IHO1: variants seen among roughly 807,000 people sequenced by gnomAD.
The protein encoded by IHO1 is interactor of HORMAD1 protein 1.
A neutral mutation model predicts 31.0 loss-of-function variants in IHO1; 13 were observed. The ratio of observed to expected loss-of-function variants is 0.42; its 90% confidence interval spans 0.27 to 0.67. The LOEUF is 0.67. IHO1 is among the 30% of genes least tolerant of loss of function. IHO1 has a pLI of 0.24. For missense variants in IHO1, 599 were observed against 687.5 expected, an observed-to-expected ratio of 0.87 and a Z score of 1.44; for synonymous variants, 221 against 248.4, an observed-to-expected ratio of 0.89 and a Z score of 1.04.
chr3:49,251,200 A>T (rs2046755796), intron 6 of IHO1, among the ~76,000 whole-genome samples: 1 of 151,250 alleles, frequency 6.6e-6, no homozygotes, highest in Non-Finnish European at 1.5e-5. Flanking sequence ...AGCTCACTGC[A>T]ACCTCCCCTT....
At chr3:49,196,223 C>T (rs1451792809), upstream of IHO1, among the ~76,000 whole-genome samples, 4 of 121,338 alleles carry the variant, frequency 3.3e-5, no homozygotes, top group African/African-American at 6.5e-5. Flanking sequence ...AGTAAGACTC[C>T]GTCACAAAAA....
At chr3:49,227,013 T>C (rs1447163894) in intron 2 of IHO1, among the ~76,000 whole-genome samples, 2 of 152,142 alleles carry the variant, frequency 1.3e-5, no homozygotes, top group Admixed American at 1.3e-4. Context: ...AGGCTTCTCA[T>C]TAATAGGAAG....
At chr3:49,196,979 CT>C (rs1162418107), upstream of IHO1, among the ~76,000 whole-genome samples, 348 of 94,310 alleles carry the variant, frequency 3.7e-3, 2 homozygotes, top group South Asian at 0.011. Flanking sequence ...CACGTTTTTA[CT>C]TTTTTTTTTT....
At chr3:49,229,068 G>A (rs2046452098) in intron 2 of IHO1, among the ~76,000 whole-genome samples, 1 of 152,170 alleles carries the variant, frequency 6.6e-6, no homozygotes, top group African/African-American at 2.4e-5. Flanking sequence ...GCTGATTGGT[G>A]CGTTTACAAT....
At chr3:49,221,493 A>G (rs1385245424) in intron 2 of IHO1, among the ~76,000 whole-genome samples, 1 of 152,224 alleles carries the variant, frequency 6.6e-6, no homozygotes, top group Admixed American at 6.5e-5. Flanking sequence ...CAGGAAGTCC[A>G]GCTGGATTCA....
intron 3 of IHO1, among the ~76,000 whole-genome samples, chr3:49,238,822 G>A (rs2046590696): frequency 6.6e-6 from 1 of 152,094 alleles, no homozygotes. Context: ...CAAAGGGGAG[G>A]GGGAAGTTGG....
At chr3:49,219,541 G>T (rs1355677899) in intron 2 of IHO1, among the ~76,000 whole-genome samples, 1 of 152,208 alleles carries the variant, frequency 6.6e-6, no homozygotes, top group Admixed American at 6.5e-5. Flanking sequence ...AGCTCTGAAG[G>T]CTGTGAGTCC....
chr3:49,219,396 TCCATCCCTTTGTTTTGGC>T lies in IHO1; in HGVS notation c.56+7575_56+7592del, dbSNP rs1374091116. Among the ~76,000 whole-genome samples, 55 of 152,270 alleles carry T rather than the reference TCCATCCCTTTGTTTTGGC, an allele frequency of 3.6e-4. 1 individual carries two copies. Among genetic ancestry groups the T allele is most frequent in the Middle Eastern group, 3.4e-3 (1 of 294 alleles). On this transcript the variant is annotated intron_variant, in intron 2 of 7. Coordinates refer to ENST00000452691, the MANE Select transcript of IHO1 (RefSeq NM_001135197.2). ...TCCTGCTGCAGATAACTAGCCAGAG[TCCATCCCTTTGTTTTGGC>T]CCATCCCTTTGTTTCCCGTAAGGAA... is the stretch of plus-strand genomic sequence containing the variant.
chr3:49,209,976 A>G (rs1452147846), intron 1 of IHO1, among the ~76,000 whole-genome samples: 2 of 151,148 alleles, frequency 1.3e-5, no homozygotes, highest in Admixed American at 6.6e-5. Context: ...TTGGCCTCCC[A>G]AAGTGCTGGG....
Position 49,234,228 on chromosome 3 carries a change from T to C in IHO1, c.57-2320T>C, listed in dbSNP as rs1168563491. 3.6e-5 allele frequency among the ~76,000 whole-genome samples: 5 copies of C among 138,848 alleles called. No individual in the cohort carries two copies. The East Asian group carries it at 1.2e-3, about 34-fold the overall frequency. 91.1% of individuals were successfully genotyped at this position (138,848 alleles called of 152,430 possible). A position where few individuals can be genotyped will look rare whatever the true frequency, so the allele number is the denominator to read the frequency against. Reference sequence around the variant, plus strand: ...ACTCTCTCACCAGGCTGGAGTGCAGTGTGGCACAATCTTATCTCACTGCAA... The same window carrying C: ...ACTCTCTCACCAGGCTGGAGTGCAGCGTGGCACAATCTTATCTCACTGCAA... On this transcript the variant is annotated intron_variant, in intron 2 of 7. Coordinates refer to ENST00000452691, the MANE Select transcript of IHO1 (RefSeq NM_001135197.2).
At chr3:49,228,805 A>T (rs953966094) in intron 2 of IHO1, among the ~76,000 whole-genome samples, 1 of 152,180 alleles carries the variant, frequency 6.6e-6, no homozygotes, top group Non-Finnish European at 1.5e-5. Flanking sequence ...AGCAAGATTT[A>T]TTGTGAAGAG....
At chr3:49,207,115 G>A (rs2046149037) in intron 1 of IHO1, among the ~76,000 whole-genome samples, 1 of 151,594 alleles carries the variant, frequency 6.6e-6, no homozygotes, top group African/African-American at 2.4e-5. Flanking sequence ...ATGAGAGTGG[G>A]TAGGAAAAGC....
At chr3:49,243,577 T>C (rs2046656875) in intron 4 of IHO1, among the ~76,000 whole-genome samples, 1 of 151,398 alleles carries the variant, frequency 6.6e-6, no homozygotes, top group African/African-American at 2.4e-5. Flanking sequence ...GCTAACACGA[T>C]GAAACCCCGT....
chr3:49,214,216 G>C lies in IHO1; in HGVS notation c.56+2380G>C, dbSNP rs575005354. Among the ~76,000 whole-genome samples, 33 of 152,200 alleles carry C rather than the reference G, an allele frequency of 2.2e-4. 1 individual carries two copies. The highest frequency in any genetic ancestry group is 7.2e-4 in the African/African-American group (30 of 41,548). On this transcript the variant is annotated intron_variant, in intron 2 of 7. Transcript: ENST00000452691. ...GCAACTGCTACTGAAATAGCAAGGA[G>C]CAAAATCGAGATGATGTTCAGATAT...
At chr3:49,214,179 A>G (rs1374555162) in intron 2 of IHO1, among the ~76,000 whole-genome samples, 1 of 152,204 alleles carries the variant, frequency 6.6e-6, no homozygotes, top group African/African-American at 2.4e-5. Context: ...CTGGACACTC[A>G]GTCCAGTTGC....
intron 3 of IHO1, among the ~76,000 whole-genome samples, chr3:49,240,906 C>CT (rs1424540962): frequency 3.3e-5 from 5 of 152,166 alleles, no homozygotes; most frequent in African/African-American, 7.2e-5. Flanking sequence ...ATTATGAAAA[C>CT]TTTAACACAT....
the IHO1 span, among the ~76,000 whole-genome samples, chr3:49,191,435 A>G: frequency 2.6e-5 from 4 of 152,236 alleles, no homozygotes; most frequent in African/African-American, 9.6e-5. Context: ...TTCCCAGACT[A>G]GAGAGCAGCC....
At chr3:49,233,629 G>A (rs1218871453) in intron 2 of IHO1, among the ~76,000 whole-genome samples, 1 of 152,218 alleles carries the variant, frequency 6.6e-6, no homozygotes, top group East Asian at 1.9e-4. Flanking sequence ...CCTGCGAGAA[G>A]TAGCTCACCA....
intron 2 of IHO1, among the ~76,000 whole-genome samples, chr3:49,223,685 C>T (rs2046382973): frequency 1.3e-5 from 2 of 150,776 alleles, no homozygotes; most frequent in African/African-American, 4.9e-5. Context: ...AGTGAGACTC[C>T]GTCTCAAAAA....
Sources: gnomAD v4.1 joint callset for allele counts (sites outside exome capture counted in the v4.1 genomes callset) on GRCh38, gnomAD v4.1.1 for gene constraint, MANE v1.5 for transcripts, NCBI Gene and HGNC (gene_info 2026-07-23, HGNC 2026-07-21) for gene names.